GLIS3: variants seen among roughly 807,000 people sequenced by gnomAD.
The protein encoded by GLIS3 is zinc finger protein GLIS3.
Under a neutral mutation model 78.6 loss-of-function variants are expected in GLIS3, and 53 were observed. The observed-to-expected ratio is 0.67, with a 90% CI of 0.54 to 0.85. The LOEUF is 0.85. Ranked by LOEUF, GLIS3 falls within the 40% of genes least tolerant of loss-of-function variation. The probability of loss-of-function intolerance (pLI) is 0.00; values close to 1 mark genes in which losing one functional copy is unlikely to be tolerated. For missense variants in GLIS3, 1,703 were observed against 1,231.1 expected, an observed-to-expected ratio of 1.38 and a Z score of -5.74; for synonymous variants, 684 against 509.9, an observed-to-expected ratio of 1.34 and a Z score of -4.60.
At chr9:4,027,768 G>T (rs1823467631) in intron 4 of GLIS3, among the ~76,000 whole-genome samples, 1 of 152,182 alleles carries the variant, frequency 6.6e-6, no homozygotes, top group African/African-American at 2.4e-5. Flanking sequence ...ATTTCTGCCA[G>T]TTTCCAGGCA....
chr9:3,914,807 G>C (rs1281669916), intron 6 of GLIS3, among the ~76,000 whole-genome samples: 1 of 152,178 alleles, frequency 6.6e-6, no homozygotes, highest in Non-Finnish European at 1.5e-5. Flanking sequence ...ACCACGGATT[G>C]AGTAAGTGAC....
intron 2 of GLIS3, among the ~76,000 whole-genome samples, chr9:4,246,331 A>G (rs925499438): frequency 1.5e-4 from 23 of 152,232 alleles, no homozygotes; most frequent in African/African-American, 5.5e-4. Flanking sequence ...TGCATACACA[A>G]ATCAACTTAT....
intron 1 of GLIS3, among the ~76,000 whole-genome samples, chr9:4,295,012 T>C (rs1472130821): frequency 6.6e-6 from 1 of 152,226 alleles, no homozygotes; most frequent in Non-Finnish European, 1.5e-5. Context: ...TACAGTTGCA[T>C]GTTTCCTAGT....
At position 3,826,618 on chromosome 9, in the gene GLIS3, A is replaced by T. The variant is rs1336070661; in HGVS notation, c.*1654T>A. ...CTTGGTTCTTCATTCACCTCATTCT[A>T]CTGCATGTTGGAATGAACTCTGGAA... On this transcript the variant is annotated 3_prime_UTR_variant, in exon 11 of 11. Transcript: ENST00000381971. 2.0e-5 allele frequency: 3 copies of T among 152,306 alleles called. No homozygotes were observed. Among genetic ancestry groups the T allele is most frequent in the Non-Finnish European group, 4.4e-5 (3 of 68,026 alleles). The allele number at this position is 152,306 out of a possible 1,614,324, so 9.4% of individuals were successfully genotyped here. A position where few individuals can be genotyped will look rare whatever the true frequency, so the allele number is the denominator to read the frequency against.
the GLIS3 span, among the ~76,000 whole-genome samples, chr9:4,387,158 G>A: frequency 2.0e-5 from 3 of 152,158 alleles, no homozygotes; most frequent in Non-Finnish European, 4.4e-5. Context: ...ATAGAGATGT[G>A]CAGCAGGAAA....
intron 2 of GLIS3, among the ~76,000 whole-genome samples, chr9:4,253,157 T>A (rs189717326): frequency 2.0e-5 from 3 of 152,380 alleles, no homozygotes; most frequent in Non-Finnish European, 4.4e-5. Flanking sequence ...GGAGATCCGC[T>A]GCTCTCTTCA....
At chr9:4,417,712 C>G in the GLIS3 span, among the ~76,000 whole-genome samples, 4 of 152,294 alleles carry the variant, frequency 2.6e-5, no homozygotes, top group East Asian at 7.7e-4. Flanking sequence ...AAAAGGTCAT[C>G]TAATGTTACA....
At chr9:4,061,050 T>G (rs904223580) in intron 4 of GLIS3, among the ~76,000 whole-genome samples, 1 of 148,404 alleles carries the variant, frequency 6.7e-6, no homozygotes, top group African/African-American at 2.5e-5. Context: ...TGCTTCATAA[T>G]GGCTACTGAT....
At chr9:4,318,659 A>C (rs961203555) in intron 2 of GLIS3, among the ~76,000 whole-genome samples, 1 of 152,226 alleles carries the variant, frequency 6.6e-6, no homozygotes. Flanking sequence ...ATAATGGGGA[A>C]GAGAAACCTC....
chr9:4,154,473 A>C (rs888500392), intron 2 of GLIS3, among the ~76,000 whole-genome samples: 3 of 152,262 alleles, frequency 2.0e-5, no homozygotes, highest in Non-Finnish European at 4.4e-5. Context: ...AAAGATAAAC[A>C]GATATAACTA....
At chr9:4,322,714 GAA>G (rs1025280892) in intron 2 of GLIS3, among the ~76,000 whole-genome samples, 3 of 152,140 alleles carry the variant, frequency 2.0e-5, no homozygotes, top group Non-Finnish European at 2.9e-5. Flanking sequence ...GTCTTCTTTT[GAA>G]AAGTGTCTGC....
rs1433607304 is a variant in GLIS3 at position 3,898,718 on chromosome 9, G to A, written c.2101C>T (p.Pro701Ser). Residue 701 changes from proline to serine, a missense_variant, in exon 7 of 11, where the codon CCT (proline) becomes TCT (serine). Pro to Ser is a moderately conservative substitution (Grantham distance 74, BLOSUM62 -1). Transcript: ENST00000381971. ...AAAEGTVGRS[P>S]GPGPDLYSAP... is the part of the protein sequence containing the mutation. ...GAATAGAGGTCAGGCCCGGGTCCAG[G>A]GGAGCGTCCCACGGTCCCTTCAGCA... 10 of 1,614,148 alleles carry A rather than the reference G, an allele frequency of 6.2e-6. No individual in the cohort carries two copies. The highest frequency in any genetic ancestry group is 3.3e-4 in the Middle Eastern group (2 of 6,062).
At chr9:4,427,920 C>G in the GLIS3 span, among the ~76,000 whole-genome samples, 2 of 151,744 alleles carry the variant, frequency 1.3e-5, no homozygotes, top group African/African-American at 2.4e-5. Context: ...ATTTACTAGA[C>G]TGCTTCTGAC....
chr9:4,217,898 T>C (rs907876952), intron 2 of GLIS3, among the ~76,000 whole-genome samples: 3 of 152,252 alleles, frequency 2.0e-5, no homozygotes, highest in African/African-American at 7.2e-5. Flanking sequence ...ATGGCCTCTT[T>C]AAAATTAATG....
intron 4 of GLIS3, among the ~76,000 whole-genome samples, chr9:4,021,851 G>C (rs1394620415): frequency 6.6e-6 from 1 of 152,138 alleles, no homozygotes; most frequent in African/African-American, 2.4e-5. Context: ...AGTTTTTTCA[G>C]TTTATCGGGC....
At chr9:4,365,997 G>C in the GLIS3 span, among the ~76,000 whole-genome samples, 4 of 152,192 alleles carry the variant, frequency 2.6e-5, no homozygotes, top group Non-Finnish European at 5.9e-5. Context: ...TCATTGAAAA[G>C]TGTAGGAAGG....
intron 2 of GLIS3, among the ~76,000 whole-genome samples, chr9:4,283,011 C>T (rs1214270227): frequency 6.6e-6 from 1 of 151,976 alleles, no homozygotes; most frequent in African/African-American, 2.4e-5. Flanking sequence ...TTCTTCCCTC[C>T]AAGTTTTGAG....
intron 2 of GLIS3, among the ~76,000 whole-genome samples, chr9:4,199,412 C>G (rs1819157368): frequency 6.6e-6 from 1 of 150,972 alleles, no homozygotes; most frequent in Non-Finnish European, 1.5e-5. Context: ...GGTAACTATC[C>G]TTATATCATA....
intron 4 of GLIS3, among the ~76,000 whole-genome samples, chr9:3,987,568 G>C (rs903866791): frequency 6.6e-6 from 1 of 151,480 alleles, no homozygotes; most frequent in African/African-American, 2.4e-5. Flanking sequence ...TGGGCGTTGT[G>C]GTGGGCGCCT....
Sources: allele counts gnomAD v4.1 joint callset (sites outside exome capture counted in the v4.1 genomes callset), GRCh38; gene constraint gnomAD v4.1.1; transcripts MANE v1.5; gene names NCBI Gene and HGNC (gene_info 2026-07-23, HGNC 2026-07-21).